The following XPO4 variants were observed in gnomAD, a reference collection of about 807,000 sequenced individuals.
The protein encoded by XPO4 is exportin-4.
Under a neutral mutation model 143.0 loss-of-function variants are expected in XPO4, and 39 were observed. The ratio of observed to expected loss-of-function variants is 0.27; its 90% CI spans 0.21 to 0.36. The LOEUF (loss-of-function observed/expected upper bound fraction) is 0.36. XPO4 is among the 10% of genes least tolerant of loss of function. The pLI, the probability that XPO4 is intolerant of heterozygous loss-of-function variation, is 1.00. For synonymous variants in XPO4, 439 were observed against 474.0 expected, an observed-to-expected ratio of 0.93 and a Z score of 0.96; for missense variants, 907 against 1,348.0, an observed-to-expected ratio of 0.67 and a Z score of 5.12.
At chr13:20,836,010 T>C (rs564787783) in intron 6 of XPO4, among the ~76,000 whole-genome samples, 28 of 152,308 alleles carry the variant, frequency 1.8e-4, no homozygotes, top group Admixed American at 4.6e-4. Flanking sequence ...TTATAGTACA[T>C]ATAAAACATA....
At chr13:20,787,920 A>G (rs1394264341) in intron 20 of XPO4, among the ~76,000 whole-genome samples, 1 of 152,174 alleles carries the variant, frequency 6.6e-6, no homozygotes, top group African/African-American at 2.4e-5. Context: ...TACTAATGGG[A>G]CCCTGATGAA....
In XPO4 at chr13:20,778,952, AACCTGAT is replaced by A. The variant is rs2059110690; in HGVS notation, c.*4763_*4769del. 1 of 152,212 alleles carries A rather than the reference AACCTGAT, an allele frequency of 6.6e-6. No individual in the cohort carries two copies. Among genetic ancestry groups the A allele is most frequent in the African/African-American group, 2.4e-5 (1 of 41,456 alleles). 9.4% of individuals were successfully genotyped at this position (152,212 alleles called of 1,614,324 possible). A position where few individuals can be genotyped will look rare whatever the true frequency, so the allele number is the denominator to read the frequency against. ...TTAAAAATACAAATAAAATTTTATCAACCTGATATTCAGCCTATAACTGGCTCAATAC... is the reference window on the plus strand; with the variant it reads ...TTAAAAATACAAATAAAATTTTATCAATTCAGCCTATAACTGGCTCAATAC... On this transcript the variant is annotated 3_prime_UTR_variant, in exon 23 of 23. Coordinates refer to ENST00000255305, the MANE Select transcript of XPO4 (RefSeq NM_022459.5).
rs1263312035 is a variant in XPO4 at position 20,781,904 on chromosome 13, C to T, written c.*1818G>A. ...TTTTTTAAGGGGAAAAAAAAAACAC[C>T]TAAAAATAAATGCATCAAAGTATTT... is the stretch of plus-strand genomic sequence containing the variant. On this transcript the variant is annotated 3_prime_UTR_variant, in exon 23 of 23. Transcript: ENST00000255305. The T allele has an allele frequency of 6.6e-6, 1 of 151,914 alleles. No individual in the cohort carries two copies. Among genetic ancestry groups the T allele is most frequent in the Non-Finnish European group, 1.5e-5 (1 of 67,978 alleles). 9.4% of individuals were successfully genotyped at this position (151,914 alleles called of 1,614,324 possible). A position where few individuals can be genotyped will look rare whatever the true frequency, so the allele number is the denominator to read the frequency against.
At chr13:20,834,729 C>A (rs1034785812) in intron 6 of XPO4, among the ~76,000 whole-genome samples, 1 of 151,350 alleles carries the variant, frequency 6.6e-6, no homozygotes, top group African/African-American at 2.4e-5. Flanking sequence ...GATGCCAAAG[C>A]GGGAGGATCA....
At chr13:20,900,779 T>A (rs1385731707) in intron 1 of XPO4, among the ~76,000 whole-genome samples, 1 of 138,864 alleles carries the variant, frequency 7.2e-6, no homozygotes, top group Non-Finnish European at 1.7e-5. Flanking sequence ...GCCCGGCTAA[T>A]TTTTATATTT....
At chr13:20,879,260 T>C in intron 1 of XPO4, 1 of 985,240 alleles carries the variant, frequency 1.0e-6, no homozygotes, top group African/African-American at 1.7e-5. Flanking sequence ...AAGGGTAAAC[T>C]ATTTAAAAAA....
At chr13:20,826,162 T>C (rs2585898) in intron 7 of XPO4, among the ~76,000 whole-genome samples, 44,476 of 152,038 alleles carry the variant, frequency 0.29, 8,205 homozygotes, top group East Asian at 0.8. Flanking sequence ...CACACACATA[T>C]GAATTGTTTT....
At chr13:20,902,112 C>T (rs1224353733) in intron 1 of XPO4, 18 of 985,294 alleles carry the variant, frequency 1.8e-5, no homozygotes, top group Non-Finnish European at 1.1e-5. Flanking sequence ...TTGGTCTCAA[C>T]GATTCCCCTC....
At chr13:20,851,172 T>C (rs768008938) in intron 4 of XPO4, 1 of 985,408 alleles carries the variant, frequency 1.0e-6, no homozygotes, top group South Asian at 4.7e-5. Context: ...GAAGAGAGGA[T>C]GATATAAGAA....
chr13:20,840,029 T>G (rs1223161473), intron 6 of XPO4, among the ~76,000 whole-genome samples: 3 of 151,668 alleles, frequency 2.0e-5, no homozygotes, highest in Non-Finnish European at 2.9e-5. Flanking sequence ...ATATAAAATA[T>G]AGATACAAAA....
intron 2 of XPO4, among the ~76,000 whole-genome samples, chr13:20,866,714 C>A (rs1383964511): frequency 6.6e-6 from 1 of 152,162 alleles, no homozygotes; most frequent in African/African-American, 2.4e-5. Context: ...ATGGCCAGAA[C>A]TAGCAATACT....
intron 1 of XPO4, among the ~76,000 whole-genome samples, chr13:20,892,616 AAG>A (rs1262258755): frequency 2.0e-5 from 3 of 152,186 alleles, no homozygotes; most frequent in Non-Finnish European, 4.4e-5. Context: ...AGAGTCCAGC[AAG>A]AGAGACCAAC....
intron 2 of XPO4, chr13:20,863,110 C>T (rs2060216282): frequency 8.7e-7 from 1 of 1,151,068 alleles, no homozygotes; most frequent in Non-Finnish European, 1.1e-6. Context: ...CTGTTACTTC[C>T]AAAGCATGAA....
intron 12 of XPO4, 105 bp from the exon 13 acceptor site, chr13:20,807,739 G>A: frequency 1.1e-6 from 1 of 883,500 alleles, no homozygotes; most frequent in Non-Finnish European, 1.6e-6. Context: ...ATAAATTGAT[G>A]TAAATTATAA....
intron 18 of XPO4, among the ~76,000 whole-genome samples, chr13:20,792,134 G>A (rs2059289265): frequency 6.6e-6 from 1 of 152,200 alleles, no homozygotes; most frequent in African/African-American, 2.4e-5. Flanking sequence ...GCTCTGCTAA[G>A]GAGTCAAGAA....
intron 6 of XPO4, among the ~76,000 whole-genome samples, chr13:20,841,875 T>C (rs930201921): frequency 2.6e-5 from 4 of 151,634 alleles, no homozygotes; most frequent in African/African-American, 7.3e-5. Context: ...TGTCTGCTTA[T>C]CATCAGTCTT....
At chr13:20,902,088 T>C in intron 1 of XPO4, 1 of 985,404 alleles carries the variant, frequency 1.0e-6, no homozygotes, top group Non-Finnish European at 1.2e-6. Context: ...AGACCAAGTT[T>C]TGCCCCAATG....
At chr13:20,848,639 A>C in intron 4 of XPO4, 1 of 985,270 alleles carries the variant, frequency 1.0e-6, no homozygotes. Context: ...ACACCACTTA[A>C]AAAACAGAGC....
At position 20,783,817 on chromosome 13, in the gene XPO4, T is replaced by A. The variant is rs760479719; in HGVS notation, c.3361A>T (p.Thr1121Ser). Residue 1121 changes from threonine (T) to serine (S), a missense_variant, in exon 23 of 23, where the codon ACT becomes TCT. By Grantham distance (58) the Thr-to-Ser change is moderately conservative. Transcript: ENST00000255305. Reference sequence around the variant, plus strand: ...TGCTTCCGATCCAGCGTAGGAGGAGTGCTGCTTGCAGTGAGCTTGTTGAAG... The same window carrying A: ...TGCTTCCGATCCAGCGTAGGAGGAGAGCTGCTTGCAGTGAGCTTGTTGAAG... The part of the protein sequence containing the change: ...DAFNKLTASS[T>S]PPTLDRKQKM... 6.2e-7 allele frequency: 1 copy of A among 1,614,058 alleles called. No individual in the cohort carries two copies. The highest frequency in any genetic ancestry group is 1.7e-5 in the Admixed American group (1 of 60,004).
Sources: gnomAD v4.1 joint callset for allele counts (sites outside exome capture counted in the v4.1 genomes callset) on GRCh38, gnomAD v4.1.1 for gene constraint, MANE v1.5 for transcripts, NCBI Gene and HGNC (gene_info 2026-07-23, HGNC 2026-07-21) for gene names.